The following CRTAM variants were observed in gnomAD, a reference collection of about 807,000 sequenced individuals.
The protein encoded by CRTAM is cytotoxic and regulatory T-cell molecule.
A neutral mutation model predicts 50.0 loss-of-function variants in CRTAM; 44 were observed. The observed-to-expected ratio is 0.88, with a 90% confidence interval of 0.69 to 1.13. CRTAM has a LOEUF of 1.13. CRTAM is among the 50% of genes most tolerant of loss of function. The pLI, the probability that CRTAM is intolerant of heterozygous loss-of-function variation, is 0.00. For missense variants in CRTAM, 448 were observed against 457.5 expected (o/e 0.98, Z 0.19); for synonymous variants, 159 against 169.3 (o/e 0.94, Z 0.47).
intron 1 of CRTAM, among the ~76,000 whole-genome samples, chr11:122,843,071 G>A (rs181988224): frequency 1.3e-5 from 2 of 152,328 alleles, no homozygotes; most frequent in African/African-American, 2.4e-5. Context: ...TTGCACATGA[G>A]AACTTCCAAA....
chr11:122,868,679 A>G (rs1862214409), intron 9 of CRTAM, among the ~76,000 whole-genome samples: 1 of 152,124 alleles, frequency 6.6e-6, no homozygotes, highest in East Asian at 1.9e-4. Context: ...CCAACTTAAC[A>G]CTTAAAATTA....
At chr11:122,865,609 T>C (rs1207979419) in intron 7 of CRTAM, among the ~76,000 whole-genome samples, 2 of 152,136 alleles carry the variant, frequency 1.3e-5, no homozygotes, top group African/African-American at 4.8e-5. Context: ...TATACCTATA[T>C]TTCCAGAACA....
intron 4 of CRTAM, 134 bp from the exon 5 acceptor site, chr11:122,855,561 C>T (rs1591352705): frequency 1.5e-6 from 1 of 681,334 alleles, no homozygotes; most frequent in Non-Finnish European, 2.5e-6. Context: ...CAAGCCTATA[C>T]AAGGGAACTG....
intron 9 of CRTAM, among the ~76,000 whole-genome samples, chr11:122,870,168 C>T (rs1862235505): frequency 1.3e-5 from 2 of 152,068 alleles, no homozygotes; most frequent in Non-Finnish European, 1.5e-5. Flanking sequence ...GCAGCCTTGA[C>T]CTTTCGAGCT....
intron 5 of CRTAM, among the ~76,000 whole-genome samples, chr11:122,860,681 T>C (rs1862060297): frequency 6.6e-6 from 1 of 152,174 alleles, no homozygotes; most frequent in Non-Finnish European, 1.5e-5. Flanking sequence ...AATTTTATTC[T>C]ATATGTCCCC....
intron 4 of CRTAM, among the ~76,000 whole-genome samples, chr11:122,854,867 G>A (rs767288895): frequency 6.6e-6 from 1 of 152,148 alleles, no homozygotes; most frequent in South Asian, 2.1e-4. Context: ...CTTTGAAACA[G>A]AATAACTAAT....
chr11:122,851,948 A>G (rs1861936107), intron 3 of CRTAM, 103 bp downstream of exon 3: 3 of 1,047,344 alleles, frequency 2.9e-6, no homozygotes, highest in Admixed American at 4.8e-5. Flanking sequence ...GCCTAGAGCA[A>G]GGAATTGCCT....
intron 5 of CRTAM, among the ~76,000 whole-genome samples, chr11:122,858,016 A>G (rs1862026963): frequency 6.6e-6 from 1 of 152,066 alleles, no homozygotes; most frequent in Non-Finnish European, 1.5e-5. Flanking sequence ...GTTCACAATC[A>G]GTCCTCCCAC....
intron 2 of CRTAM, 100 bp downstream of exon 2, chr11:122,850,314 A>C: frequency 3.2e-6 from 4 of 1,249,886 alleles, no homozygotes; most frequent in Non-Finnish European, 4.4e-6. Flanking sequence ...TGAGTCACCC[A>C]AGGGGTGGGC....
intron 5 of CRTAM, among the ~76,000 whole-genome samples, chr11:122,861,520 C>G (rs1365205786): frequency 6.9e-6 from 1 of 145,620 alleles, no homozygotes; most frequent in Non-Finnish European, 1.5e-5. Context: ...ACTGCAACCT[C>G]TGCCTCCCAG....
In CRTAM at chr11:122,853,981, A is replaced by G; in HGVS notation, c.385A>G (p.Arg129Gly). The change falls in exon 4 of 10, where the codon AGA (arginine) becomes GGA (glycine). Residue 129 changes from arginine (R) to glycine (G), a missense_variant. By Grantham distance (125) the Arg-to-Gly change is moderately radical. Transcript: ENST00000227348. ...GCCAATCCTGGAAGCTTCAGTTATCAGAAAGCAAAATGGAGAAGAACATGT... is the reference window on the plus strand; with the variant it reads ...GCCAATCCTGGAAGCTTCAGTTATCGGAAAGCAAAATGGAGAAGAACATGT... ...FKPILEASVI[R>G]KQNGEEHVVL... 1.2e-6 allele frequency: 2 copies of G among 1,614,158 alleles called. No individual in the cohort carries two copies. Among genetic ancestry groups the G allele is most frequent in the Non-Finnish European group, 1.7e-6 (2 of 1,180,018 alleles).
intron 8 of CRTAM, 150 bp downstream of exon 8, chr11:122,867,705 G>A: frequency 1.3e-6 from 1 of 799,610 alleles, no homozygotes; most frequent in South Asian, 1.9e-5. Flanking sequence ...TTGTTTTCTA[G>A]TAAACTCGGG....
chr11:122,854,248 A>G (rs552921866), intron 4 of CRTAM, among the ~76,000 whole-genome samples, 162 bp downstream of exon 4: 1 of 152,248 alleles, frequency 6.6e-6, no homozygotes, highest in Non-Finnish European at 1.5e-5. Flanking sequence ...AATCAATTTT[A>G]TGCCTTAATC....
chr11:122,861,480 G>C (rs1862082146), intron 5 of CRTAM, among the ~76,000 whole-genome samples: 1 of 124,514 alleles, frequency 8.0e-6, no homozygotes, highest in South Asian at 2.7e-4. Flanking sequence ...CTGTCGCCCA[G>C]GCTTGAGTGC....
At chr11:122,867,270 G>T in intron 7 of CRTAM, 139 bp from the exon 8 acceptor site, 1 of 675,588 alleles carries the variant, frequency 1.5e-6, no homozygotes, top group South Asian at 2.4e-5. Context: ...TACCTTCAGG[G>T]GTAAGCTCTT....
chr11:122,858,570 C>G (rs536886505), intron 5 of CRTAM, among the ~76,000 whole-genome samples: 1 of 152,092 alleles, frequency 6.6e-6, no homozygotes, highest in Non-Finnish European at 1.5e-5. Context: ...CCTTCTGTAG[C>G]CCAGGCTGGA....
At chr11:122,840,759 G>A (rs1025803145) in intron 1 of CRTAM, among the ~76,000 whole-genome samples, 3 of 151,898 alleles carry the variant, frequency 2.0e-5, no homozygotes. Context: ...AGATCACTGT[G>A]ACTACTTCTA....
intron 7 of CRTAM, among the ~76,000 whole-genome samples, chr11:122,866,783 A>ATTT (rs1862180510): frequency 6.6e-6 from 1 of 151,622 alleles, no homozygotes; most frequent in African/African-American, 2.4e-5. Flanking sequence ...TTTTATTATT[A>ATTT]TTATTTTTGT....
chr11:122,861,388 ATATATAT>A (rs2135246922), intron 5 of CRTAM, among the ~76,000 whole-genome samples: 1 of 23,678 alleles, frequency 4.2e-5, no homozygotes, highest in African/African-American at 1.7e-4. Context: ...ACATATACGT[ATATATAT>A]ATATATATAT....
Sources: allele counts gnomAD v4.1 joint callset (sites outside exome capture counted in the v4.1 genomes callset), GRCh38; gene constraint gnomAD v4.1.1; transcripts MANE v1.5; gene names NCBI Gene and HGNC (gene_info 2026-07-23, HGNC 2026-07-21).